The following GSE1 variants were observed in gnomAD, a reference collection of about 807,000 sequenced individuals.
GSE1 encodes the protein Gse1 coiled-coil protein.
Under a neutral mutation model 112.6 loss-of-function variants are expected in GSE1, and 32 were observed. That is an observed-to-expected ratio of 0.28 (90% CI 0.21 to 0.38). The LOEUF (loss-of-function observed/expected upper bound fraction) is 0.38. Ranked by LOEUF, GSE1 falls within the 10% of genes least tolerant of loss-of-function variation. The pLI, the probability that GSE1 is intolerant of heterozygous loss-of-function variation, is 1.00. For synonymous variants in GSE1, 1,115 were observed against 735.6 expected (o/e 1.52, Z -8.35); for missense variants, 2,348 against 1,699.2 (o/e 1.38, Z -6.71).
chr16:85,409,528 G>T (rs1597654587), intron 2 of GSE1, among the ~76,000 whole-genome samples: 1 of 8,928 alleles, frequency 1.1e-4, no homozygotes, highest in African/African-American at 1.3e-4. Context: ...AATCCTCACT[G>T]TTACACTCAG....
chr16:85,611,606 G>A (rs2047988377), upstream of GSE1: 19 of 510,692 alleles, frequency 3.7e-5, no homozygotes, highest in Middle Eastern at 9.5e-4. Flanking sequence ...CCGGAGCCTT[G>A]TGCAAGGCGG....
rs367992385 is a variant in GSE1, at chr16:85,310,316, T to A, written c.2284-47147T>A. Among the ~76,000 whole-genome samples, 35 of 152,322 alleles carry A rather than the reference T, an allele frequency of 2.3e-4. No individual in the cohort carries two copies. The East Asian group carries it at 3.9e-3, about 17-fold the overall frequency. ...GTCGCTGTGGCCACTGCATGGGATG[T>A]TTGTGAGGTTCAGCGCCTTAATATG... On this transcript the variant is annotated intron_variant, in intron 1 of 2. Coordinates refer to the GSE1 transcript ENST00000637419.
chr16:85,538,148 GCTGGCCGTT>G (rs1299575776), intron 2 of GSE1, among the ~76,000 whole-genome samples: 2 of 152,226 alleles, frequency 1.3e-5, no homozygotes, highest in African/African-American at 4.8e-5. Flanking sequence ...AGAGAGGCAC[GCTGGCCGTT>G]CTGAGCCGTT....
chr16:85,573,486 T>C (rs561656494), intron 1 of GSE1, among the ~76,000 whole-genome samples: 1 of 152,316 alleles, frequency 6.6e-6, no homozygotes, highest in Admixed American at 6.5e-5. Context: ...GTATCTGTAG[T>C]GGGACTGCTG....
chr16:85,643,588 C>T (rs1007756420), intron 2 of GSE1, among the ~76,000 whole-genome samples: 4 of 152,184 alleles, frequency 2.6e-5, no homozygotes, highest in African/African-American at 4.8e-5. Context: ...CAAGGGGTCT[C>T]TCTGGGAGGT....
At chr16:85,402,856 C>T (rs1156599034) in intron 2 of GSE1, among the ~76,000 whole-genome samples, 1 of 151,662 alleles carries the variant, frequency 6.6e-6, no homozygotes, top group African/African-American at 2.4e-5. Flanking sequence ...ATGGGGCCTG[C>T]AGTGAGCTTT....
chr16:85,466,419 C>T (rs969244756), intron 2 of GSE1, among the ~76,000 whole-genome samples: 4 of 152,234 alleles, frequency 2.6e-5, no homozygotes, highest in Non-Finnish European at 4.4e-5. Context: ...GCCCGTGGGC[C>T]CAGGCCAGGC....
At chr16:85,364,831 G>T (rs993097148) in intron 2 of GSE1, among the ~76,000 whole-genome samples, 7 of 152,160 alleles carry the variant, frequency 4.6e-5, no homozygotes, top group African/African-American at 1.4e-4. Flanking sequence ...AGAAGGGGCC[G>T]AGCCCTGCCA....
chr16:85,637,487 A>G (rs540925142), intron 2 of GSE1, among the ~76,000 whole-genome samples: 10 of 150,816 alleles, frequency 6.6e-5, no homozygotes, highest in African/African-American at 2.5e-4. Context: ...AGCAGTGGCT[A>G]TGTATCGAGT....
chr16:85,204,835 C>G (rs2075087554), intron 1 of GSE1, among the ~76,000 whole-genome samples: 1 of 152,218 alleles, frequency 6.6e-6, no homozygotes, highest in South Asian at 2.1e-4. Context: ...CCCAGCCAGC[C>G]AAGGGTGCTG....
chr16:85,667,357 C>A (rs1019210640), intron 13 of GSE1, among the ~76,000 whole-genome samples: 1 of 152,242 alleles, frequency 6.6e-6, no homozygotes, highest in African/African-American at 2.4e-5. Flanking sequence ...CCAGGGGCTG[C>A]CATCCCCACG....
exon 1 of GSE1, chr16:85,169,859 T>A: frequency 4.1e-6 from 4 of 984,264 alleles, no homozygotes; most frequent in Non-Finnish European, 4.8e-6. Context: ...GACAAGCGCA[T>A]GTACTGGCTC....
chr16:85,444,733 T>G (rs1277419179), intron 2 of GSE1, among the ~76,000 whole-genome samples: 1 of 152,126 alleles, frequency 6.6e-6, no homozygotes, highest in Non-Finnish European at 1.5e-5. Context: ...CTGCCTCCTG[T>G]GACCCACTGA....
chr16:85,660,512 G>A (rs1340187711), intron 8 of GSE1, among the ~76,000 whole-genome samples: 2 of 152,116 alleles, frequency 1.3e-5, no homozygotes, highest in African/African-American at 4.8e-5. Flanking sequence ...GGTGGCACAC[G>A]CCTGTAATCC....
chr16:85,422,371 G>GT (rs2048866114), intron 2 of GSE1, among the ~76,000 whole-genome samples: 1 of 149,254 alleles, frequency 6.7e-6, no homozygotes, highest in Admixed American at 6.6e-5. Flanking sequence ...GGGCGGGGCG[G>GT]GGGGGGGTGC....
intron 1 of GSE1, among the ~76,000 whole-genome samples, chr16:85,246,678 C>T (rs1467469665): frequency 6.6e-6 from 1 of 152,074 alleles, no homozygotes; most frequent in Non-Finnish European, 1.5e-5. Flanking sequence ...GCCCACCCCA[C>T]TCCCACCCTC....
intron 1 of GSE1, among the ~76,000 whole-genome samples, chr16:85,568,217 C>T (rs947695899): frequency 6.6e-6 from 1 of 152,222 alleles, no homozygotes; most frequent in African/African-American, 2.4e-5. Flanking sequence ...CATCTTCTTC[C>T]AGGGTCTGCT....
At chr16:85,606,862 C>T (rs1423918875), upstream of GSE1, among the ~76,000 whole-genome samples, 2 of 152,230 alleles carry the variant, frequency 1.3e-5, no homozygotes, top group East Asian at 1.9e-4. Flanking sequence ...TCCCAGGATT[C>T]TCTGCCCCCC....
At chr16:85,584,490 C>T (rs1466988816) in intron 1 of GSE1, among the ~76,000 whole-genome samples, 1 of 152,232 alleles carries the variant, frequency 6.6e-6, no homozygotes, top group African/African-American at 2.4e-5. Context: ...GAATGTATTA[C>T]CTGTCTCCGT....
Sources: allele counts gnomAD v4.1 joint callset (sites outside exome capture counted in the v4.1 genomes callset), GRCh38; gene constraint gnomAD v4.1.1; transcripts MANE v1.5; gene names NCBI Gene and HGNC (gene_info 2026-07-23, HGNC 2026-07-21).